CMSS1: variants seen among roughly 807,000 people sequenced by gnomAD.
The protein encoded by CMSS1 is protein CMSS1.
Under a neutral mutation model 43.5 loss-of-function variants are expected in CMSS1, and 33 were observed. That is an observed-to-expected ratio of 0.76 (90% CI 0.57 to 1.01). The LOEUF (loss-of-function observed/expected upper bound fraction) is 1.01. Ranked by LOEUF, CMSS1 falls within the 50% of genes least tolerant of loss-of-function variation. The probability of loss-of-function intolerance (pLI) is 0.00; values close to 1 mark genes in which losing one functional copy is unlikely to be tolerated. For missense variants in CMSS1, 313 were observed against 326.4 expected (o/e 0.96, Z 0.32); for synonymous variants, 115 against 117.2 (o/e 0.98, Z 0.12).
chr3:100,074,579 A>G (rs2065816041), intron 1 of CMSS1, among the ~76,000 whole-genome samples: 1 of 151,572 alleles, frequency 6.6e-6, no homozygotes, highest in Non-Finnish European at 1.5e-5. Context: ...TTATCTAAAA[A>G]CTAGTAAAAA....
At chr3:100,040,731 T>G (rs1305406160) in intron 1 of CMSS1, 2 of 152,222 alleles carry the variant, frequency 1.3e-5, no homozygotes, top group East Asian at 3.8e-4. Flanking sequence ...GCCAAGAGGT[T>G]GTGACATTTT....
intron 1 of CMSS1, chr3:99,876,272 G>C: frequency 1.1e-6 from 1 of 943,320 alleles, no homozygotes; most frequent in Non-Finnish European, 1.3e-6. Context: ...GGGCGCCGGT[G>C]ACCGCGGGAC....
At chr3:99,886,102 T>C (rs1705886305) in intron 1 of CMSS1, among the ~76,000 whole-genome samples, 1 of 147,934 alleles carries the variant, frequency 6.8e-6, no homozygotes, top group African/African-American at 2.4e-5. Context: ...GAACACTCTA[T>C]GTGTGCACAC....
chr3:99,852,944 C>T (rs116629304), intron 1 of CMSS1, among the ~76,000 whole-genome samples: 7,384 of 152,152 alleles, frequency 0.049, 559 homozygotes, highest in African/African-American at 0.17. Context: ...GAGAACTTAA[C>T]AGGAGGCTGG....
chr3:99,884,937 A>G (rs995363030), intron 1 of CMSS1, among the ~76,000 whole-genome samples: 7 of 152,110 alleles, frequency 4.6e-5, no homozygotes, highest in Non-Finnish European at 8.8e-5. Context: ...GACCACAAAT[A>G]TTATTTGCTA....
At chr3:99,838,978 T>G (rs913627430) in intron 1 of CMSS1, among the ~76,000 whole-genome samples, 6 of 152,130 alleles carry the variant, frequency 3.9e-5, no homozygotes, top group African/African-American at 1.4e-4. Context: ...CCCAACCATC[T>G]CAACTTCATC....
chr3:99,825,755 T>TTTTTTCTTTTTTTC (rs1460400885), intron 1 of CMSS1, among the ~76,000 whole-genome samples: 12 of 151,102 alleles, frequency 7.9e-5, no homozygotes, highest in African/African-American at 2.7e-4. Flanking sequence ...GCACAAATCT[T>TTTTTTCTTTTTTTC]TTTTTCTTTT....
At chr3:99,855,043 G>A (rs1943890152) in intron 1 of CMSS1, among the ~76,000 whole-genome samples, 1 of 152,098 alleles carries the variant, frequency 6.6e-6, no homozygotes, top group African/African-American at 2.4e-5. Flanking sequence ...ACTGACTGTG[G>A]GTAACAAGGC....
chr3:100,112,422 A>G (rs1425253681), intron 1 of CMSS1, among the ~76,000 whole-genome samples: 4 of 152,212 alleles, frequency 2.6e-5, no homozygotes, highest in South Asian at 2.1e-4. Flanking sequence ...TAAAGGCACC[A>G]TCATTTCAAT....
Position 99,861,159 on chromosome 3 carries a change from T to A in CMSS1, c.64+43116T>A, listed in dbSNP as rs149643456. Among the ~76,000 whole-genome samples, 1,165 of 152,076 alleles carry A rather than the reference T, an allele frequency of 7.7e-3. 20 individuals carry two copies. The highest frequency in any genetic ancestry group is 0.026 in the African/African-American group (1,074 of 41,538). Reference sequence around the variant, plus strand: ...TTAAATCAAAGTTTCCTCTTTTCCATACTTTCCATTTTGATTGTTAATACA... The same window carrying A: ...TTAAATCAAAGTTTCCTCTTTTCCAAACTTTCCATTTTGATTGTTAATACA... On this transcript the variant is annotated intron_variant, in intron 1 of 9. Coordinates refer to ENST00000421999, the MANE Select transcript of CMSS1 (RefSeq NM_032359.4).
Position 100,045,386 on chromosome 3 carries a change from GAA to G in CMSS1, c.65-101584_65-101583del, listed in dbSNP as rs557832644. On this transcript the variant is annotated intron_variant, in intron 1 of 9. Coordinates refer to ENST00000421999, the MANE Select transcript of CMSS1 (RefSeq NM_032359.4). ...GCACTAATTGACAAAGAGGAGAGTG[GAA>G]AAGAGTGAATAAAGGAATGAACATA... Among the ~76,000 whole-genome samples the G allele has an allele frequency of 5.8e-4, 89 of 152,290 alleles. 1 individual carries two copies. The East Asian group carries it at 0.016, about 27-fold the overall frequency.
intron 1 of CMSS1, among the ~76,000 whole-genome samples, chr3:100,146,289 G>A (rs2107512552): frequency 6.6e-6 from 1 of 152,262 alleles, no homozygotes; most frequent in East Asian, 1.9e-4. Context: ...ATTGTGGAAA[G>A]GTTAAAAAAT....
chr3:100,142,054 A>G (rs2066809800), intron 1 of CMSS1, among the ~76,000 whole-genome samples: 2 of 152,246 alleles, frequency 1.3e-5, no homozygotes, highest in Admixed American at 1.3e-4. Context: ...GGCTAAGGAA[A>G]CAACTAAATT....
chr3:100,143,774 A>G (rs2066823914), intron 1 of CMSS1, among the ~76,000 whole-genome samples: 1 of 152,172 alleles, frequency 6.6e-6, no homozygotes, highest in South Asian at 2.1e-4. Flanking sequence ...TAGGATTGCT[A>G]TGTCTTCTTG....
intron 1 of CMSS1, among the ~76,000 whole-genome samples, chr3:99,834,006 A>G (rs1179825934): frequency 6.6e-6 from 1 of 152,232 alleles, no homozygotes; most frequent in African/African-American, 2.4e-5. Context: ...TTGAAATATT[A>G]TTGCCTTCTT....
At chr3:99,987,850 A>G (rs778338039) in intron 1 of CMSS1, among the ~76,000 whole-genome samples, 1 of 152,230 alleles carries the variant, frequency 6.6e-6, no homozygotes, top group Non-Finnish European at 1.5e-5. Flanking sequence ...AGCAGTAAAC[A>G]TTTCATTAAC....
intron 1 of CMSS1, among the ~76,000 whole-genome samples, chr3:99,989,900 G>A (rs1709462836): frequency 6.6e-6 from 1 of 152,004 alleles, no homozygotes; most frequent in South Asian, 2.1e-4. Context: ...TTTTAAAACT[G>A]GAGTAGTTAT....
intron 1 of CMSS1, among the ~76,000 whole-genome samples, chr3:100,087,934 A>G (rs6414383): frequency 0.99 from 149,374 of 151,340 alleles, 73,725 homozygotes; most frequent in Middle Eastern, 1. Context: ...GGGTTCAAGC[A>G]ATTCTCCTGC....
chr3:100,011,150 A>G (rs1412166613), intron 1 of CMSS1, among the ~76,000 whole-genome samples: 1 of 152,052 alleles, frequency 6.6e-6, no homozygotes, highest in Admixed American at 6.6e-5. Flanking sequence ...ACAGCAAATT[A>G]CTTTTCCCTA....
Sources: gnomAD v4.1 joint callset for allele counts (sites outside exome capture counted in the v4.1 genomes callset) on GRCh38, gnomAD v4.1.1 for gene constraint, MANE v1.5 for transcripts, NCBI Gene and HGNC (gene_info 2026-07-23, HGNC 2026-07-21) for gene names.